The following EPB41L1 variants were observed in gnomAD, a reference collection of about 807,000 sequenced individuals.
EPB41L1 encodes the protein erythrocyte membrane protein band 4.1 like 1.
In EPB41L1, 29 loss-of-function variants were observed where a neutral mutation model predicts 97.8. The ratio of observed to expected loss-of-function variants is 0.30; its 90% CI spans 0.22 to 0.40. EPB41L1 has a LOEUF of 0.40. EPB41L1 is among the 10% of genes least tolerant of loss of function. The pLI, the probability that EPB41L1 is intolerant of heterozygous loss-of-function variation, is 1.00. For missense variants in EPB41L1, 812 were observed against 1,162.3 expected, an observed-to-expected ratio of 0.70 and a Z score of 4.38; for synonymous variants, 383 against 459.2, an observed-to-expected ratio of 0.83 and a Z score of 2.12.
In EPB41L1 at chr20:36,142,730, C is replaced by G. The variant is rs117116919; in HGVS notation, c.-10+30250C>G. Reference sequence around the variant, plus strand: ...GTTGGACTGTGTTGAAGGGGCTTACCTGCCCGGGCTGTGCTGTGCTGTGCT... The same window carrying G: ...GTTGGACTGTGTTGAAGGGGCTTACGTGCCCGGGCTGTGCTGTGCTGTGCT... On this transcript the variant is annotated intron_variant, in intron 2 of 19. Coordinates refer to the EPB41L1 transcript ENST00000202028. 8.4e-4 allele frequency among the ~76,000 whole-genome samples: 128 copies of G among 152,290 alleles called. 3 individuals are homozygous for G. In the East Asian group the frequency reaches 0.023, roughly 27 times the overall value.
chr20:36,142,476 T>A (rs144408899), intron 2 of EPB41L1, among the ~76,000 whole-genome samples: 13 of 152,356 alleles, frequency 8.5e-5, no homozygotes, highest in African/African-American at 2.9e-4. Context: ...TGCACACTTT[T>A]AAGGCTTATC....
chr20:36,178,604 C>G, intron 4 of EPB41L1, 26 bp from the exon 5 acceptor site: 1 of 1,613,252 alleles, frequency 6.2e-7, no homozygotes, highest in Non-Finnish European at 8.5e-7. Context: ...CGTCTTCCCT[C>G]TGAAGATCTC....
intron 1 of EPB41L1, among the ~76,000 whole-genome samples, chr20:36,095,899 G>A (rs963672722): frequency 1.3e-5 from 2 of 152,086 alleles, no homozygotes; most frequent in South Asian, 2.1e-4. Context: ...GGTGGCACGC[G>A]CCTGTAATCC....
intron 21 of EPB41L1, among the ~76,000 whole-genome samples, chr20:36,227,172 C>A (rs963134840): frequency 6.6e-6 from 1 of 152,044 alleles, no homozygotes; most frequent in Non-Finnish European, 1.5e-5. Context: ...AAAAGATTAA[C>A]TGGGTGTGGT....
intron 2 of EPB41L1, among the ~76,000 whole-genome samples, chr20:36,120,094 A>T (rs1470616363): frequency 1.3e-5 from 2 of 152,194 alleles, no homozygotes; most frequent in African/African-American, 2.4e-5. Flanking sequence ...ACTGTCGGTA[A>T]CATTAGCACT....
In EPB41L1 at chr20:36,207,792, C is replaced by T. The variant is rs928462330; in HGVS notation, c.1669-1696C>T. ...CTACTGGAACTGGGGTAACTGGCCG[C>T]GTGAGCCCCCGCCCCCACCGCTGCT... On this transcript the variant is annotated intron_variant, in intron 14 of 21. Coordinates refer to ENST00000338074, the MANE Select transcript of EPB41L1 (RefSeq NM_012156.2). The surrounding 1 kb of genome is among the most constrained non-coding windows in gnomAD (Gnocchi z 4.9). 3.7e-5 allele frequency: 47 copies of T among 1,283,538 alleles called. No homozygotes were observed. Among genetic ancestry groups the T allele is most frequent in the Middle Eastern group, 2.1e-4 (1 of 4,690 alleles). The allele number at this position is 1,283,538 out of a possible 1,614,324, so 79.5% of individuals were successfully genotyped here.
At chr20:36,162,487 A>T (rs1434205065) in intron 1 of EPB41L1, among the ~76,000 whole-genome samples, 1 of 152,190 alleles carries the variant, frequency 6.6e-6, no homozygotes, top group Non-Finnish European at 1.5e-5. Flanking sequence ...GGCCTTGGCC[A>T]CTAAGCCGCC....
intron 2 of EPB41L1, chr20:36,125,421 A>G (rs1048843925): frequency 2.0e-5 from 15 of 740,888 alleles, no homozygotes; most frequent in Non-Finnish European, 3.3e-5. Context: ...ATCTGTAAAC[A>G]GGCTGCTGTT....
rs746820566 is a variant in EPB41L1 at position 36,206,524 on chromosome 20, C to T, written c.1669-2964C>T. 7.8e-7 allele frequency: 1 copy of T among 1,289,828 alleles called. No individual in the cohort carries two copies. The highest frequency in any genetic ancestry group is 1.2e-5 in the South Asian group (1 of 81,034). The allele number at this position is 1,289,828 out of a possible 1,614,324, so 79.9% of individuals were successfully genotyped here. A position where few individuals can be genotyped will look rare whatever the true frequency, so the allele number is the denominator to read the frequency against. ...AGAAGACCAAGTCCTCCCTCCACCC[C>T]TGGAGGAGAGAAAAGGGCGCCTGGA... On this transcript the variant is annotated intron_variant, in intron 14 of 21. Transcript: ENST00000338074. The surrounding 1 kb of genome is among the most constrained non-coding windows in gnomAD (Gnocchi z 5.5).
chr20:36,140,815 C>T (rs923839735), intron 2 of EPB41L1, among the ~76,000 whole-genome samples: 5 of 152,122 alleles, frequency 3.3e-5, no homozygotes, highest in Middle Eastern at 3.2e-3. Context: ...ACAGCCCCCA[C>T]CCCCATGAGA....
At chr20:36,185,439 C>A in intron 7 of EPB41L1, 104 bp downstream of exon 7, 1 of 1,082,060 alleles carries the variant, frequency 9.2e-7, no homozygotes, top group East Asian at 2.6e-5. Flanking sequence ...TGTTTGTACC[C>A]CGCCTGGCTC....
chr20:36,154,132 G>A (rs534637363), upstream of EPB41L1, among the ~76,000 whole-genome samples: 4 of 152,132 alleles, frequency 2.6e-5, no homozygotes, highest in South Asian at 8.3e-4. This position sits in a 1 kb window ranked among gnomAD's most constrained non-coding sequence, Gnocchi z 5.5. Flanking sequence ...GAGGCACAGA[G>A]GATTCCCAGG....
Position 36,207,734 on chromosome 20 carries a change from C to T in EPB41L1, c.1669-1754C>T. The T allele has an allele frequency of 1.6e-6, 2 of 1,289,948 alleles. No individual in the cohort carries two copies. Among genetic ancestry groups the T allele is most frequent in the South Asian group, 1.2e-5 (1 of 81,036 alleles). The allele number at this position is 1,289,948 out of a possible 1,614,324, so 79.9% of individuals were successfully genotyped here. A position where few individuals can be genotyped will look rare whatever the true frequency, so the allele number is the denominator to read the frequency against. Reference sequence around the variant, plus strand: ...CACACGGAACTAGAGCCCGTGTCCCCCAATTCAGGCTGTGAAACCACGCTG... The same window carrying T: ...CACACGGAACTAGAGCCCGTGTCCCTCAATTCAGGCTGTGAAACCACGCTG... On this transcript the variant is annotated intron_variant, in intron 14 of 21. Coordinates refer to ENST00000338074, the MANE Select transcript of EPB41L1 (RefSeq NM_012156.2). The surrounding 1 kb of genome is among the most constrained non-coding windows in gnomAD (Gnocchi z 4.9).
chr20:36,106,370 G>A (rs2058192274), intron 1 of EPB41L1, among the ~76,000 whole-genome samples: 1 of 152,252 alleles, frequency 6.6e-6, no homozygotes, highest in East Asian at 1.9e-4. Flanking sequence ...CTGAGCCTCG[G>A]GGTAGGCCCC....
chr20:36,195,051 G>C lies in EPB41L1; in HGVS notation c.1450-278G>C, dbSNP rs1170351228. Among the ~76,000 whole-genome samples, 12 of 152,144 alleles carry C rather than the reference G, an allele frequency of 7.9e-5. No homozygotes were observed. The East Asian group carries it at 2.3e-3, about 29-fold the overall frequency. On this transcript the variant is annotated intron_variant, in intron 12 of 21. Transcript: ENST00000338074. This position sits in a 1 kb window ranked among gnomAD's most constrained non-coding sequence, Gnocchi z 4.6. ...CATGCTCCCACTGACAGCGAGAGCA[G>C]GGAACTCCATTCTCACATCCCATCT... is the stretch of plus-strand genomic sequence containing the variant.
At chr20:36,113,012 T>C (rs986835548) in intron 2 of EPB41L1, among the ~76,000 whole-genome samples, 3 of 152,318 alleles carry the variant, frequency 2.0e-5, no homozygotes, top group African/African-American at 7.2e-5. Context: ...CCTTTTTCCA[T>C]TGCACCCCAA....
At chr20:36,148,669 T>C (rs891410900) in intron 2 of EPB41L1, 7 of 152,216 alleles carry the variant, frequency 4.6e-5, no homozygotes, top group Non-Finnish European at 7.3e-5. Flanking sequence ...ACCAGCATTG[T>C]TTTTAGCCAA....
intron 2 of EPB41L1, among the ~76,000 whole-genome samples, 181 bp downstream of exon 2, chr20:36,174,135 C>T (rs1229237177): frequency 6.6e-6 from 1 of 152,126 alleles, no homozygotes; most frequent in African/African-American, 2.4e-5. Flanking sequence ...TTTTTTGAGA[C>T]AGATCTCACT....
At chr20:36,108,262 G>C (rs933588798) in intron 1 of EPB41L1, among the ~76,000 whole-genome samples, 23 of 152,040 alleles carry the variant, frequency 1.5e-4, no homozygotes, top group African/African-American at 5.3e-4. Context: ...TTACAGGCAT[G>C]AACCACCGTG....
Sources: allele counts gnomAD v4.1 joint callset (sites outside exome capture counted in the v4.1 genomes callset), GRCh38; gene constraint gnomAD v4.1.1; non-coding constraint Gnocchi (gnomAD v3.1); transcripts MANE v1.5; gene names NCBI Gene and HGNC (gene_info 2026-07-23, HGNC 2026-07-21).